UNC80: variants seen among roughly 807,000 people sequenced by gnomAD.
UNC80 encodes the protein protein unc-80 homolog.
A neutral mutation model predicts 384.6 loss-of-function variants in UNC80; 164 were observed. That is an observed-to-expected ratio of 0.43 (90% CI 0.38 to 0.49). The LOEUF (loss-of-function observed/expected upper bound fraction) is 0.49. UNC80 is among the 20% of genes least tolerant of loss of function. UNC80 has a pLI of 0.00. For synonymous variants in UNC80, 1,486 were observed against 1,527.8 expected (o/e 0.97, Z 0.64); for missense variants, 3,330 against 4,143.0 (o/e 0.80, Z 5.39).
At chr2:209,857,713 C>T (rs1404985731) in intron 22 of UNC80, among the ~76,000 whole-genome samples, 1 of 152,052 alleles carries the variant, frequency 6.6e-6, no homozygotes, top group Non-Finnish European at 1.5e-5. Flanking sequence ...CTAAGTACTA[C>T]TTTAACTGCA....
rs114510573 is a variant in UNC80, at chr2:209,784,199, A to G, written c.601-1867A>G. ...TCTACCACTTCTCATTTTGCCCTCT[A>G]TTAGTACCCCCATCTAATCATCTTT... On this transcript the variant is annotated intron_variant, in intron 4 of 64. Transcript: ENST00000673920. Among the ~76,000 whole-genome samples the G allele has an allele frequency of 4.3e-3, 647 of 152,190 alleles. 3 individuals carry two copies. Among genetic ancestry groups the G allele is most frequent in the Non-Finnish European group, 6.9e-3 (472 of 67,984 alleles).
At position 209,820,393 on chromosome 2, in the gene UNC80, G is replaced by A; in HGVS notation, c.2045G>A (p.Cys682Tyr). 1.3e-6 allele frequency: 2 copies of A among 1,551,974 alleles called. No individual in the cohort carries two copies. Among genetic ancestry groups the A allele is most frequent in the Non-Finnish European group, 1.7e-6 (2 of 1,147,032 alleles). The change falls in exon 13 of 65, where the codon TGC (cysteine) becomes TAC (tyrosine). Residue 682 changes from cysteine to tyrosine, a missense_variant. By Grantham distance (194) the Cys-to-Tyr change is radical (BLOSUM62 -2). This residue lies in a region of UNC80 where 937 missense variants were observed against 1,026.8 expected (regional missense o/e 0.91). Transcript: ENST00000673920. ...GACGTGGCGCTAAACATTGTGGAAT[G>A]CTTGCTTCAACTTGGTGTGGTGCCC... ...ICDVALNIVE[C>Y]LLQLGVVPCV...
At chr2:209,818,869 T>C (rs914044472) in intron 11 of UNC80, 124 bp from the exon 12 acceptor site, 5 of 1,158,560 alleles carry the variant, frequency 4.3e-6, no homozygotes, top group East Asian at 5.2e-5. Flanking sequence ...TTTGAGACTA[T>C]AAGTTAAATA....
intron 3 of UNC80, 113 bp downstream of exon 3, chr2:209,776,158 A>G (rs957187350): frequency 2.3e-6 from 3 of 1,310,184 alleles, no homozygotes; most frequent in South Asian, 3.6e-5. Context: ...TGCATATATT[A>G]TCTCATTTAA....
chr2:209,808,728 C>A, intron 7 of UNC80: 2 of 220,568 alleles, frequency 9.1e-6, no homozygotes, highest in Non-Finnish European at 1.8e-5. Flanking sequence ...GCACTCATTG[C>A]TCCAAGGCTC....
At chr2:209,988,972 G>T (rs2125029348) in intron 61 of UNC80, among the ~76,000 whole-genome samples, 1 of 151,888 alleles carries the variant, frequency 6.6e-6, no homozygotes, top group South Asian at 2.1e-4. Flanking sequence ...TTATTACTTG[G>T]CCAAAACTAT....
At position 209,830,654 on chromosome 2, in the gene UNC80, T is replaced by A. The variant is rs888083989; in HGVS notation, c.2627-789T>A. 6.6e-5 allele frequency among the ~76,000 whole-genome samples: 10 copies of A among 152,172 alleles called. No individual in the cohort carries two copies. In the South Asian group the frequency reaches 1.2e-3, roughly 19 times the overall value. On this transcript the variant is annotated intron_variant, in intron 15 of 64. Transcript: ENST00000673920. The stretch of plus-strand genomic sequence containing the variant: ...TGAATATTGGAGCTGCCCATGCCCT[T>A]TGTCACATTTCACAGGTAGTTCACA...
intron 7 of UNC80, among the ~76,000 whole-genome samples, chr2:209,796,771 C>T (rs1022859960): frequency 3.9e-5 from 6 of 152,110 alleles, no homozygotes; most frequent in African/African-American, 1.4e-4. Flanking sequence ...CTGAGGCCTC[C>T]CCAGCCATGT....
In UNC80 at chr2:209,917,786, T is replaced by G. The variant is rs1256867970; in HGVS notation, c.5039T>G (p.Phe1680Cys). ...TGTTGACTGTCTCTAGCTGCCATGT[T>G]CCTGCTGTGTGCAGTGAAGGTGCCT... ...EHMAGAAAAMFLLCAVKVPEA... is the reference protein window; with the variant it reads ...EHMAGAAAAMCLLCAVKVPEA... The change falls in exon 32 of 65, where the codon TTC becomes TGC. Residue 1680 changes from phenylalanine to cysteine, a missense_variant. Coordinates refer to ENST00000673920, the MANE Select transcript of UNC80 (RefSeq NM_001371986.1). 6.4e-7 allele frequency: 1 copy of G among 1,552,150 alleles called. No homozygotes were observed. Among genetic ancestry groups the G allele is most frequent in the Admixed American group, 2.0e-5 (1 of 51,004 alleles).
intron 50 of UNC80, 137 bp from the exon 51 acceptor site, chr2:209,959,352 G>A (rs911768187): frequency 1.9e-6 from 2 of 1,068,042 alleles, no homozygotes; most frequent in South Asian, 1.6e-5. Context: ...CTTCGGATGA[G>A]GTTCTCCTTG....
At position 209,959,369 on chromosome 2, in the gene UNC80, C is replaced by T. The variant is rs1001250651; in HGVS notation, c.7587-120C>T. ...TCGGATGAGGTTCTCCTTGGCCTCACCCTACTGATTCATTAACTCATTAGG... is the reference window on the plus strand; with the variant it reads ...TCGGATGAGGTTCTCCTTGGCCTCATCCTACTGATTCATTAACTCATTAGG... On this transcript the variant is annotated intron_variant, in intron 50 of 64. Coordinates refer to ENST00000673920, the MANE Select transcript of UNC80 (RefSeq NM_001371986.1). 8 of 1,118,920 alleles carry T rather than the reference C, an allele frequency of 7.1e-6. No homozygotes were observed. The Admixed American group carries it at 1.2e-4, about 16-fold the overall frequency. 69.3% of individuals were successfully genotyped at this position (1,118,920 alleles called of 1,614,324 possible). A position where few individuals can be genotyped will look rare whatever the true frequency, so the allele number is the denominator to read the frequency against.
At chr2:209,902,170 G>C (rs1372503840) in intron 28 of UNC80, among the ~76,000 whole-genome samples, 1 of 152,168 alleles carries the variant, frequency 6.6e-6, no homozygotes, top group African/African-American at 2.4e-5. Context: ...CTTCAGTGGA[G>C]GAAGTAACTG....
chr2:209,909,756 A>G (rs2088695001), intron 29 of UNC80, among the ~76,000 whole-genome samples: 1 of 152,074 alleles, frequency 6.6e-6, no homozygotes. Flanking sequence ...GTCAACTAGG[A>G]TGGATTTTTC....
At chr2:209,925,065 G>C (rs556070222) in intron 35 of UNC80, among the ~76,000 whole-genome samples, 28 of 151,816 alleles carry the variant, frequency 1.8e-4, no homozygotes, top group African/African-American at 6.5e-4. Context: ...AAGTTAAAAA[G>C]CCAGAAATAC....
intron 51 of UNC80, among the ~76,000 whole-genome samples, chr2:209,965,061 A>G (rs2125006732): frequency 6.6e-6 from 1 of 152,268 alleles, no homozygotes; most frequent in South Asian, 2.1e-4. Context: ...ATGTCTGGGT[A>G]AATGATGTGA....
rs1553556925 is a variant in UNC80 at position 209,866,527 on chromosome 2, C to CAT, written c.3628-6230_3628-6229insTA. On this transcript the variant is annotated intron_variant, in intron 22 of 64. Transcript: ENST00000673920. ...ACACACACACACACACACACACACA[C>CAT]ACACACAGAGAGAGAGAGAGAGAGA... is the stretch of plus-strand genomic sequence containing the variant. 6.7e-3 allele frequency among the ~76,000 whole-genome samples: 605 copies of CAT among 90,910 alleles called. 4 individuals are homozygous for CAT. Among genetic ancestry groups the CAT allele is most frequent in the East Asian group, 0.028 (89 of 3,230 alleles). 59.6% of individuals were successfully genotyped at this position (90,910 alleles called of 152,430 possible). A position where few individuals can be genotyped will look rare whatever the true frequency, so the allele number is the denominator to read the frequency against.
At chr2:209,981,197 A>G (rs1488606725) in intron 59 of UNC80, among the ~76,000 whole-genome samples, 2 of 152,262 alleles carry the variant, frequency 1.3e-5, no homozygotes, top group East Asian at 1.9e-4. Context: ...GTGTTCATCA[A>G]CAAACAACAT....
intron 28 of UNC80, among the ~76,000 whole-genome samples, chr2:209,901,877 C>G (rs1049223444): frequency 6.6e-6 from 1 of 151,414 alleles, no homozygotes; most frequent in East Asian, 1.9e-4. Flanking sequence ...TGCAGTGAGC[C>G]GAGATCGCGC....
In UNC80 at chr2:209,859,218, G is replaced by A. The variant is rs182983516; in HGVS notation, c.3627+9595G>A. ...CATCCCCCAACAGGCCCTGGTGTGTGCTGCTTACCTCTCTGTGCCCATGTG... is the reference window on the plus strand; with the variant it reads ...CATCCCCCAACAGGCCCTGGTGTGTACTGCTTACCTCTCTGTGCCCATGTG... On this transcript the variant is annotated intron_variant, in intron 22 of 64. Transcript: ENST00000673920. Among the ~76,000 whole-genome samples, 354 of 152,210 alleles carry A rather than the reference G, an allele frequency of 2.3e-3. 3 individuals are homozygous for A. Among genetic ancestry groups the A allele is most frequent in the African/African-American group, 8.1e-3 (335 of 41,524 alleles).
Sources: gnomAD v4.1 joint callset for allele counts (sites outside exome capture counted in the v4.1 genomes callset) on GRCh38, gnomAD v4.1.1 for gene constraint, gnomAD v4.1.1 regional missense constraint, MANE v1.5 for transcripts, NCBI Gene and HGNC (gene_info 2026-07-23, HGNC 2026-07-21) for gene names.